MTERF3: variants seen among roughly 807,000 people sequenced by gnomAD.
MTERF3 encodes the protein mitochondrial transcription termination factor 3, also known as transcription termination factor 3, mitochondrial.
MTERF3 carries 40 observed loss-of-function variants against 40.5 expected under a neutral mutation model. That is an observed-to-expected ratio of 0.99 (90% CI 0.77 to 1.29). The LOEUF is 1.29. MTERF3 is among the 50% of genes most tolerant of loss of function. The pLI is 0.00. For synonymous variants in MTERF3, 158 were observed against 166.6 expected, an observed-to-expected ratio of 0.95 and a Z score of 0.40; for missense variants, 452 against 478.2, an observed-to-expected ratio of 0.95 and a Z score of 0.51.
intron 3 of MTERF3, among the ~76,000 whole-genome samples, chr8:96,252,785 T>C (rs1810209648): frequency 6.6e-6 from 1 of 152,248 alleles, no homozygotes; most frequent in Non-Finnish European, 1.5e-5. Flanking sequence ...ACAGCTGACA[T>C]GAACTGAAGT....
In MTERF3 at chr8:96,257,109, C is replaced by T. The variant is rs1236704425; in HGVS notation, c.340G>A (p.Asp114Asn). 6.2e-7 allele frequency: 1 copy of T among 1,610,200 alleles called. No homozygotes were observed. Among genetic ancestry groups the T allele is most frequent in the East Asian group, 2.2e-5 (1 of 44,760 alleles). ...FDSELFLEEL[D>N]ELPPLSPMQP... The stretch of plus-strand genomic sequence containing the variant: ...ATTGGAGACAATGGAGGCAATTCAT[C>T]CAGTTCTTTGAAAGAGAGAAACAAA... Residue 114 changes from aspartate to asparagine, a missense_variant, in exon 3 of 8, where the codon GAT (aspartate) becomes AAT (asparagine). Transcript: ENST00000287025.
At chr8:96,256,238 G>A (rs58169032) in intron 3 of MTERF3, among the ~76,000 whole-genome samples, 2,704 of 152,324 alleles carry the variant, frequency 0.018, 75 homozygotes, top group African/African-American at 0.062. Flanking sequence ...TGGTCAACAA[G>A]TGAAGGCAGC....
chr8:96,249,583 T>G (rs1810085745), intron 4 of MTERF3, among the ~76,000 whole-genome samples: 1 of 151,642 alleles, frequency 6.6e-6, no homozygotes, highest in South Asian at 2.1e-4. Context: ...AGGTTTTTGT[T>G]TAGTTTTTTT....
chr8:96,258,662 C>G lies in MTERF3; in HGVS notation c.29G>C (p.Arg10Thr), dbSNP rs1221434714. 1 of 1,610,024 alleles carries G rather than the reference C, an allele frequency of 6.2e-7. No homozygotes were observed. The highest frequency in any genetic ancestry group is 8.5e-7 in the Non-Finnish European group (1 of 1,176,934). MALSAQQIP[R>T]WFNSVKLRSL... is the part of the protein sequence containing the mutation. ...CCTCAACTTAACTGAGTTAAACCAT[C>G]TGGGTATCTGTTGGGCTGACAAAGC... Residue 10 changes from arginine to threonine, a missense_variant, in exon 2 of 8, where the codon AGA becomes ACA. Physicochemically the swap from Arg to Thr is moderately conservative, Grantham distance 71 (BLOSUM62 -1). Coordinates refer to ENST00000287025, the MANE Select transcript of MTERF3 (RefSeq NM_015942.5).
At chr8:96,253,835 C>T (rs1810230937) in intron 3 of MTERF3, among the ~76,000 whole-genome samples, 1 of 148,720 alleles carries the variant, frequency 6.7e-6, no homozygotes, top group South Asian at 2.1e-4. Flanking sequence ...GTGAGACCTC[C>T]CTCTATTTAA....
At chr8:96,253,720 A>T (rs1335570000) in intron 3 of MTERF3, among the ~76,000 whole-genome samples, 1 of 152,046 alleles carries the variant, frequency 6.6e-6, no homozygotes, top group African/African-American at 2.4e-5. Flanking sequence ...AAAGATAAGG[A>T]CTAGGCCAGG....
At chr8:96,255,813 T>C (rs549894090) in intron 3 of MTERF3, among the ~76,000 whole-genome samples, 3 of 152,002 alleles carry the variant, frequency 2.0e-5, no homozygotes, top group African/African-American at 7.2e-5. Flanking sequence ...TCTGAAAACA[T>C]CTGAAAACAG....
chr8:96,253,419 T>C (rs151235592), intron 3 of MTERF3, among the ~76,000 whole-genome samples: 1,623 of 152,220 alleles, frequency 0.011, 32 homozygotes, highest in African/African-American at 0.038. Flanking sequence ...CCTTCTGTCC[T>C]GTAGGTGCCT....
At chr8:96,244,113 T>C (rs6993518) in intron 6 of MTERF3, 33 bp from the exon 7 acceptor site, 4 of 1,577,956 alleles carry the variant, frequency 2.5e-6, no homozygotes, top group East Asian at 4.5e-5. Flanking sequence ...TGAATCGTTA[T>C]GTAGAAATAG....
At chr8:96,250,615 C>A (rs528274731) in intron 4 of MTERF3, among the ~76,000 whole-genome samples, 814 of 11,774 alleles carry the variant, frequency 0.069, 32 homozygotes, top group African/African-American at 0.14. Flanking sequence ...GAGGCTGAGG[C>A]AGAAGAAGAA....
chr8:96,241,878 G>A (rs892763535), intron 7 of MTERF3, among the ~76,000 whole-genome samples: 3 of 152,106 alleles, frequency 2.0e-5, no homozygotes, highest in African/African-American at 4.8e-5. Context: ...TGAAGGTTTC[G>A]GGGGATCCTG....
Position 96,258,572 on chromosome 8 carries a change from C to A in MTERF3, c.119G>T (p.Gly40Val), listed in dbSNP as rs148966759. 5.7e-5 allele frequency: 92 copies of A among 1,614,090 alleles called. No individual in the cohort carries two copies. Among genetic ancestry groups the A allele is most frequent in the Non-Finnish European group, 7.7e-5 (91 of 1,179,992 alleles). ...FTRPARTLLH[G>V]FSAQPQISSD... Reference sequence around the variant, plus strand: ...GGATATCTGAGGCTGAGCAGAAAAGCCATGTAACAGTGTTCTTGCTGGTCT... The same window carrying A: ...GGATATCTGAGGCTGAGCAGAAAAGACATGTAACAGTGTTCTTGCTGGTCT... Residue 40 changes from glycine (G) to valine (V), a missense_variant, in exon 2 of 8, where the codon GGC (glycine) becomes GTC (valine). Physicochemically the swap from Gly to Val is moderately radical, Grantham distance 109. Coordinates refer to ENST00000287025, the MANE Select transcript of MTERF3 (RefSeq NM_015942.5).
At chr8:96,251,316 T>G (rs1810181361) in intron 3 of MTERF3, among the ~76,000 whole-genome samples, 1 of 152,212 alleles carries the variant, frequency 6.6e-6, no homozygotes. Flanking sequence ...GAGCATTTAG[T>G]GCTACATTTC....
chr8:96,244,689 C>A (rs892348209), intron 6 of MTERF3, among the ~76,000 whole-genome samples: 7 of 152,346 alleles, frequency 4.6e-5, no homozygotes, highest in Non-Finnish European at 4.4e-5. Flanking sequence ...TGAGCCACCA[C>A]GCCTGACCAT....
intron 7 of MTERF3, chr8:96,239,924 A>C: frequency 1.5e-6 from 1 of 666,878 alleles, no homozygotes; most frequent in South Asian, 1.6e-5. Context: ...ACTGTGTGCA[A>C]AGAAGATTGA....
chr8:96,250,537 C>G (rs1810117687), intron 4 of MTERF3, among the ~76,000 whole-genome samples: 2 of 141,292 alleles, frequency 1.4e-5, no homozygotes, highest in Admixed American at 7.1e-5. Context: ...GTGGCGAAAC[C>G]CCATCTCTCC....
At chr8:96,240,247 C>CAAAAA (rs955824608) in intron 7 of MTERF3, among the ~76,000 whole-genome samples, 1 of 103,206 alleles carries the variant, frequency 9.7e-6, no homozygotes, top group African/African-American at 3.6e-5. Context: ...GACTCCATCT[C>CAAAAA]AAAAAAAAAA....
intron 3 of MTERF3, among the ~76,000 whole-genome samples, chr8:96,251,978 G>T (rs939146712): frequency 2.0e-4 from 30 of 152,180 alleles, no homozygotes; most frequent in Non-Finnish European, 3.5e-4. Context: ...GAATCATGGG[G>T]AGAAGTCTTT....
Position 96,239,547 on chromosome 8 carries a change from C to G in MTERF3, c.1198G>C (p.Glu400Gln), listed in dbSNP as rs375337121. 1 of 1,611,498 alleles carries G rather than the reference C, an allele frequency of 6.2e-7. No individual in the cohort carries two copies. The highest frequency in any genetic ancestry group is 1.3e-5 in the African/African-American group (1 of 74,702). ...LVSIPDEIFCEEIAKASVQDF... is the reference protein window; with the variant it reads ...LVSIPDEIFCQEIAKASVQDF... Reference sequence around the variant, plus strand: ...TGTACTGATGCTTTGGCAATCTCTTCACAAAATATTTCATCAGGAATAGAT... The same window carrying G: ...TGTACTGATGCTTTGGCAATCTCTTGACAAAATATTTCATCAGGAATAGAT... The change falls in exon 8 of 8, where the codon GAA (glutamate) becomes CAA (glutamine). Residue 400 changes from glutamate (E) to glutamine (Q), a missense_variant. Glu to Gln is a conservative substitution (Grantham distance 29). Coordinates refer to ENST00000287025, the MANE Select transcript of MTERF3 (RefSeq NM_015942.5).
Sources: allele counts gnomAD v4.1 joint callset (sites outside exome capture counted in the v4.1 genomes callset), GRCh38; gene constraint gnomAD v4.1.1; transcripts MANE v1.5; gene names NCBI Gene and HGNC (gene_info 2026-07-23, HGNC 2026-07-21).